The following MYLK3 variants were observed in gnomAD, a reference collection of about 807,000 sequenced individuals.
MYLK3 encodes the protein myosin light chain kinase 3, also known as MLC kinase.
MYLK3 carries 55 observed loss-of-function variants against 76.3 expected under a neutral mutation model. The ratio of observed to expected loss-of-function variants is 0.72; its 90% CI spans 0.58 to 0.90. MYLK3 has a LOEUF of 0.90. Ranked by LOEUF, MYLK3 falls within the 40% of genes least tolerant of loss-of-function variation. The pLI, the probability that MYLK3 is intolerant of heterozygous loss-of-function variation, is 0.00. For synonymous variants in MYLK3, 416 were observed against 425.4 expected, an observed-to-expected ratio of 0.98 and a Z score of 0.27; for missense variants, 973 against 1,053.6, an observed-to-expected ratio of 0.92 and a Z score of 1.06.
At chr16:46,719,555 C>A (rs573247732) in intron 9 of MYLK3, among the ~76,000 whole-genome samples, 7 of 152,076 alleles carry the variant, frequency 4.6e-5, no homozygotes, top group Non-Finnish European at 1.0e-4. Context: ...GCTCTCCAGG[C>A]GCACAGTATT....
At chr16:46,747,457 G>T (rs1301059107) in intron 1 of MYLK3, among the ~76,000 whole-genome samples, 1 of 152,248 alleles carries the variant, frequency 6.6e-6, no homozygotes, top group Non-Finnish European at 1.5e-5. Flanking sequence ...GTCCCCCACA[G>T]CTAGGTTCCC....
intron 8 of MYLK3, among the ~76,000 whole-genome samples, chr16:46,723,475 C>G (rs1279058231): frequency 6.6e-6 from 1 of 152,078 alleles, no homozygotes; most frequent in African/African-American, 2.4e-5. Context: ...GTTTTTGTGT[C>G]AACTTATGTT....
intron 5 of MYLK3, among the ~76,000 whole-genome samples, chr16:46,730,204 C>T (rs1469939146): frequency 6.6e-6 from 1 of 151,534 alleles, no homozygotes; most frequent in East Asian, 2.0e-4. Context: ...CCCCACACCA[C>T]CTGGGCCATC....
At chr16:46,761,196 C>A (rs903981864) in intron 1 of MYLK3, among the ~76,000 whole-genome samples, 1 of 152,114 alleles carries the variant, frequency 6.6e-6, no homozygotes, top group Non-Finnish European at 1.5e-5. Context: ...TCAGGTGGAG[C>A]CTGGCAGGTG....
upstream of MYLK3, among the ~76,000 whole-genome samples, chr16:46,750,417 C>T (rs946172563): frequency 1.1e-4 from 16 of 152,200 alleles, no homozygotes; most frequent in Non-Finnish European, 1.9e-4. Context: ...CGGAAAGGGC[C>T]GGGTGCAGTG....
intron 9 of MYLK3, among the ~76,000 whole-genome samples, chr16:46,714,221 T>C (rs1966714244): frequency 6.6e-6 from 1 of 152,152 alleles, no homozygotes; most frequent in Admixed American, 6.6e-5. Flanking sequence ...AGCATCTCTT[T>C]CCCTCCTCCC....
rs543799893 is a variant in MYLK3, at chr16:46,707,488, C to T, written c.*216G>A. ...TTTGAAAGGTACTCAGAGCATTTCA[C>T]ACGTAGTGATCTTACAAGGCAGAAA... On this transcript the variant is annotated 3_prime_UTR_variant, in exon 13 of 13. Transcript: ENST00000394809. The T allele has an allele frequency of 4.4e-5, 23 of 520,742 alleles. No individual in the cohort carries two copies. In the South Asian group the frequency reaches 5.1e-4, roughly 12 times the overall value. 32.3% of individuals were successfully genotyped at this position (520,742 alleles called of 1,614,324 possible).
intron 1 of MYLK3, among the ~76,000 whole-genome samples, chr16:46,742,447 A>AACACACACAC (rs57671045): frequency 7.8e-4 from 102 of 131,164 alleles, no homozygotes; most frequent in African/African-American, 2.0e-3. Flanking sequence ...TCCCAGCAAA[A>AACACACACAC]ACACACACAC....
chr16:46,726,669 A>AAG (rs761462843), intron 8 of MYLK3: 3 of 61,914 alleles, frequency 4.8e-5, no homozygotes, highest in African/African-American at 1.3e-4. Context: ...AAGAAAAAGA[A>AAG]AGAAAGAGAA....
At chr16:46,757,226 G>A (rs1274581544) in intron 1 of MYLK3, among the ~76,000 whole-genome samples, 3 of 152,086 alleles carry the variant, frequency 2.0e-5, no homozygotes, top group African/African-American at 4.8e-5. Context: ...TCCACCACAC[G>A]ATGCATTTGT....
intron 1 of MYLK3, among the ~76,000 whole-genome samples, chr16:46,745,521 A>G (rs1208206751): frequency 1.3e-5 from 2 of 152,246 alleles, no homozygotes; most frequent in Non-Finnish European, 2.9e-5. Flanking sequence ...AAGCAGGCAG[A>G]TCACTTGAGG....
At chr16:46,707,838 A>G (rs1596743220) in intron 12 of MYLK3, 75 bp from the exon 13 acceptor site, 1 of 1,116,058 alleles carries the variant, frequency 9.0e-7, no homozygotes, top group East Asian at 2.4e-5. Flanking sequence ...GAAACAATAA[A>G]AGGATTTAAG....
intron 1 of MYLK3, among the ~76,000 whole-genome samples, chr16:46,740,908 A>G (rs985769639): frequency 6.6e-6 from 1 of 152,200 alleles, no homozygotes; most frequent in Admixed American, 6.5e-5. Flanking sequence ...TGGCTACTAC[A>G]GCATTGGTTT....
intron 4 of MYLK3, among the ~76,000 whole-genome samples, chr16:46,731,202 C>T (rs1966851844): frequency 6.6e-6 from 1 of 152,240 alleles, no homozygotes; most frequent in Non-Finnish European, 1.5e-5. Context: ...CTCAGCATGA[C>T]AGCCCGTGAT....
chr16:46,726,950 CT>C (rs1362157328), intron 8 of MYLK3: 1 of 263,142 alleles, frequency 3.8e-6, no homozygotes, highest in East Asian at 7.0e-5. Flanking sequence ...CCTATGTTCC[CT>C]TTTGAACTTT....
At chr16:46,760,133 G>T (rs1967258042) in intron 1 of MYLK3, among the ~76,000 whole-genome samples, 1 of 152,162 alleles carries the variant, frequency 6.6e-6, no homozygotes, top group Non-Finnish European at 1.5e-5. Context: ...CTCATCCAAG[G>T]GGGAGGGACC....
At chr16:46,758,606 A>C (rs1967236957) in intron 1 of MYLK3, among the ~76,000 whole-genome samples, 1 of 152,224 alleles carries the variant, frequency 6.6e-6, no homozygotes, top group African/African-American at 2.4e-5. Flanking sequence ...CTCATCACTC[A>C]CACCCTCTGC....
At position 46,732,387 on chromosome 16, in the gene MYLK3, G is replaced by C. The variant is rs1966854251; in HGVS notation, c.1283C>G (p.Pro428Arg). The change falls in exon 4 of 13, where the codon CCA (proline) becomes CGA (arginine). Residue 428 changes from proline to arginine, a missense_variant. By Grantham distance (103) the Pro-to-Arg change is moderately radical. Transcript: ENST00000394809. ...QRAGAEPGTR[P>R]SLARSDDNDH... The stretch of plus-strand genomic sequence containing the variant: ...ATTGTCGTCACTCCTGGCCAAGCTT[G>C]GTCTCGTGCCAGGCTCGGCCCCAGC... 6.2e-7 allele frequency: 1 copy of C among 1,613,706 alleles called. No individual in the cohort carries two copies. Among genetic ancestry groups the C allele is most frequent in the South Asian group, 1.1e-5 (1 of 91,084 alleles).
chr16:46,738,067 G>T lies in MYLK3; in HGVS notation c.645C>A (p.Asp215Glu), dbSNP rs1179857565. Reference protein sequence around the residue: ...PPIRASGLGADPAQAVVSPGQ... With the variant: ...PPIRASGLGAEPAQAVVSPGQ... Reference sequence around the variant, plus strand: ...CCGGTGAGACCACTGCCTGGGCGGGGTCAGCTCCCAGCCCTGACGCTCTGA... The same window carrying T: ...CCGGTGAGACCACTGCCTGGGCGGGTTCAGCTCCCAGCCCTGACGCTCTGA... Residue 215 changes from aspartate (D) to glutamate (E), a missense_variant, in exon 3 of 13, where the codon GAC becomes GAA. Transcript: ENST00000394809. 1 of 1,605,608 alleles carries T rather than the reference G, an allele frequency of 6.2e-7. No homozygotes were observed. Among genetic ancestry groups the T allele is most frequent in the Admixed American group, 1.7e-5 (1 of 59,766 alleles).
Sources: allele counts gnomAD v4.1 joint callset (sites outside exome capture counted in the v4.1 genomes callset), GRCh38; gene constraint gnomAD v4.1.1; transcripts MANE v1.5; gene names NCBI Gene and HGNC (gene_info 2026-07-23, HGNC 2026-07-21).